The following MAST4 variants were observed in gnomAD, a reference collection of about 807,000 sequenced individuals.
MAST4 encodes the protein microtubule-associated serine/threonine-protein kinase 4.
In MAST4, 89 loss-of-function variants were observed where a neutral mutation model predicts 162.7. The ratio of observed to expected loss-of-function variants is 0.55; its 90% CI spans 0.46 to 0.65. The LOEUF is 0.65. Ranked by LOEUF, MAST4 falls within the 30% of genes least tolerant of loss-of-function variation. The pLI, the probability that MAST4 is intolerant of heterozygous loss-of-function variation, is 0.00. For missense variants in MAST4, 3,153 were observed against 3,374.0 expected (o/e 0.93, Z 1.62); for synonymous variants, 1,479 against 1,361.1 (o/e 1.09, Z -1.91).
chr5:67,090,273 A>G, intron 6 of MAST4, 42 bp downstream of exon 6: 2 of 1,492,384 alleles, frequency 1.3e-6, no homozygotes, highest in Non-Finnish European at 1.9e-6. Flanking sequence ...TCTTATAGAG[A>G]GAATCCCATT....
At chr5:67,105,243 T>C (rs1293185082) in intron 10 of MAST4, among the ~76,000 whole-genome samples, 1 of 152,188 alleles carries the variant, frequency 6.6e-6, no homozygotes, top group African/African-American at 2.4e-5. Flanking sequence ...GAAACCTATT[T>C]AGTCTATGTA....
intron 2 of MAST4, 75 bp from the exon 3 acceptor site, chr5:66,788,595 C>A: frequency 9.7e-7 from 1 of 1,030,232 alleles, no homozygotes. Flanking sequence ...AGAGACACCC[C>A]ACCCCCACCC....
intron 3 of MAST4, among the ~76,000 whole-genome samples, chr5:66,856,640 C>G (rs1240381670): frequency 1.3e-5 from 2 of 152,240 alleles, no homozygotes; most frequent in Non-Finnish European, 1.5e-5. Context: ...AAGACACATA[C>G]TGACTGATTG....
At position 67,110,203 on chromosome 5, in the gene MAST4, A is replaced by G. The variant is rs377004056; in HGVS notation, c.1458+4A>G. On this transcript the variant is annotated splice_donor_region_variant and intron_variant, in intron 11 of 28. Coordinates refer to ENST00000403625, the MANE Select transcript of MAST4 (RefSeq NM_001164664.2). The stretch of plus-strand genomic sequence containing the variant: ...TGCTCGGTTATTAGAGTGCCTGGTA[A>G]GTTGCCCCTTGATGTGACTACATTA... 2.3e-5 allele frequency: 37 copies of G among 1,603,560 alleles called. No individual in the cohort carries two copies. In the African/African-American group the frequency reaches 4.3e-4, roughly 19 times the overall value.
chr5:66,736,591 C>G lies in MAST4; in HGVS notation c.364-23118C>G, dbSNP rs553833296. Among the ~76,000 whole-genome samples the G allele has an allele frequency of 2.0e-5, 3 of 152,268 alleles. No homozygotes were observed. In the East Asian group the frequency reaches 5.8e-4, roughly 29 times the overall value. On this transcript the variant is annotated intron_variant, in intron 1 of 28. Transcript: ENST00000403625. ...CCTACTATGGCTATTTTACTAAGTT[C>G]TTTAAGTCTTTTTTAAGACGAAGGT...
At chr5:66,769,244 C>A (rs991118724) in intron 2 of MAST4, among the ~76,000 whole-genome samples, 2 of 152,014 alleles carry the variant, frequency 1.3e-5, no homozygotes, top group Non-Finnish European at 2.9e-5. Flanking sequence ...GGAGGGTGGA[C>A]CTGAGCTGTA....
chr5:67,099,331 A>G (rs1581554679), intron 7 of MAST4, among the ~76,000 whole-genome samples: 1 of 152,158 alleles, frequency 6.6e-6, no homozygotes, highest in East Asian at 1.9e-4. Flanking sequence ...TGCTTGTAAA[A>G]TAATCTCATT....
At position 66,851,143 on chromosome 5, in the gene MAST4, C is replaced by T. The variant is rs555882654; in HGVS notation, c.643-48808C>T. On this transcript the variant is annotated intron_variant, in intron 3 of 28. Coordinates refer to ENST00000403625, the MANE Select transcript of MAST4 (RefSeq NM_001164664.2). Reference sequence around the variant, plus strand: ...TCAAATGGGATTTTAGCACAATATTCCATCTTGGCCCTGTTTATTGTAAGA... The same window carrying T: ...TCAAATGGGATTTTAGCACAATATTTCATCTTGGCCCTGTTTATTGTAAGA... Among the ~76,000 whole-genome samples the T allele has an allele frequency of 3.2e-4, 48 of 152,272 alleles. No individual in the cohort carries two copies. In the South Asian group the frequency reaches 9.7e-3, roughly 31 times the overall value.
At chr5:66,825,265 C>G (rs1246923890) in intron 3 of MAST4, among the ~76,000 whole-genome samples, 2 of 16,458 alleles carry the variant, frequency 1.2e-4, no homozygotes, top group African/African-American at 7.3e-4. Context: ...AACTAAGACA[C>G]ACACACACAC....
chr5:66,963,885 A>C, intron 4 of MAST4: 1 of 769,136 alleles, frequency 1.3e-6, no homozygotes. Flanking sequence ...GCAATCCACA[A>C]TCCACAGGGT....
intron 1 of MAST4, among the ~76,000 whole-genome samples, chr5:66,756,318 A>G (rs74409835): frequency 0.014 from 2,167 of 152,310 alleles, 53 homozygotes; most frequent in African/African-American, 0.049. Context: ...TGCTGTTTCA[A>G]TGCAAGATAC....
At chr5:67,095,490 C>T in intron 6 of MAST4, 107 bp from the exon 7 acceptor site, 1 of 769,000 alleles carries the variant, frequency 1.3e-6, no homozygotes, top group Non-Finnish European at 2.1e-6. Context: ...CACATCCTCA[C>T]AGACTATGTT....
At chr5:66,644,288 A>T (rs1420676652) in intron 1 of MAST4, among the ~76,000 whole-genome samples, 1 of 152,198 alleles carries the variant, frequency 6.6e-6, no homozygotes, top group Admixed American at 6.6e-5. Flanking sequence ...TCTGGGGATT[A>T]TATTCAAGGG....
intron 1 of MAST4, among the ~76,000 whole-genome samples, chr5:66,649,423 G>A (rs1746068592): frequency 6.6e-6 from 1 of 152,168 alleles, no homozygotes; most frequent in African/African-American, 2.4e-5. Flanking sequence ...TTGATGTAGA[G>A]GAGCAGAAGT....
chr5:66,789,085 G>A (rs1300404133), intron 3 of MAST4, among the ~76,000 whole-genome samples: 1 of 152,080 alleles, frequency 6.6e-6, no homozygotes, highest in Non-Finnish European at 1.5e-5. Flanking sequence ...TCATGGAAAA[G>A]TTGCAAGAAT....
At chr5:67,117,708 CAT>C (rs1767084871) in intron 12 of MAST4, among the ~76,000 whole-genome samples, 1 of 151,890 alleles carries the variant, frequency 6.6e-6, no homozygotes, top group South Asian at 2.1e-4. Context: ...TAAGACCTAT[CAT>C]AGATTTAGAG....
chr5:66,715,884 C>T (rs1209812473), intron 1 of MAST4, among the ~76,000 whole-genome samples: 1 of 151,950 alleles, frequency 6.6e-6, no homozygotes, highest in African/African-American at 2.4e-5. Context: ...AATGCTTTAA[C>T]TTTTAATCAT....
At position 66,718,185 on chromosome 5, in the gene MAST4, CT is replaced by C. The variant is rs375291098; in HGVS notation, c.364-41514del. Among the ~76,000 whole-genome samples, 78 of 122,002 alleles carry C rather than the reference CT, an allele frequency of 6.4e-4. 1 individual carries two copies. Among genetic ancestry groups the C allele is most frequent in the African/African-American group, 1.6e-3 (53 of 33,882 alleles). 80.0% of individuals were successfully genotyped at this position (122,002 alleles called of 152,430 possible). On this transcript the variant is annotated intron_variant, in intron 1 of 28. Transcript: ENST00000403625. ...GTGGGTTTTTTTTTCTTTTTTTTTT[CT>C]TTTTTTTTTGCTTTGCTGAGAAAAA...
intron 1 of MAST4, among the ~76,000 whole-genome samples, chr5:66,658,934 G>A (rs4591699): frequency 0.71 from 108,243 of 152,124 alleles, 40,423 homozygotes; most frequent in African/African-American, 0.93. Context: ...AGGCAGGAGG[G>A]TTGCTTGAGT....
Sources: gnomAD v4.1 joint callset for allele counts (sites outside exome capture counted in the v4.1 genomes callset) on GRCh38, gnomAD v4.1.1 for gene constraint, MANE v1.5 for transcripts, NCBI Gene and HGNC (gene_info 2026-07-23, HGNC 2026-07-21) for gene names.